EIF2A: variants seen among roughly 807,000 people sequenced by gnomAD.
EIF2A encodes eukaryotic translation initiation factor 2A, also known as 65 kDa eukaryotic translation initiation factor 2A.
In EIF2A, 62 loss-of-function variants were observed where a neutral mutation model predicts 75.2. That is an observed-to-expected ratio of 0.82 (90% CI 0.67 to 1.02). EIF2A has a LOEUF of 1.02. EIF2A is among the 50% of genes least tolerant of loss of function. EIF2A has a pLI of 0.00. For missense variants in EIF2A, 611 were observed against 677.7 expected (o/e 0.90, Z 1.09); for synonymous variants, 207 against 239.0 (o/e 0.87, Z 1.23).
chr3:150,583,069 T>C (rs1559888120), intron 12 of EIF2A, 131 bp from the exon 13 acceptor site: 1 of 773,654 alleles, frequency 1.3e-6, no homozygotes, highest in East Asian at 2.9e-5. Context: ...ATCCTAGCAT[T>C]TTAACAGACC....
intron 1 of EIF2A, among the ~76,000 whole-genome samples, chr3:150,548,672 G>C (rs547553817): frequency 1.3e-5 from 2 of 152,312 alleles, no homozygotes; most frequent in East Asian, 3.9e-4. Flanking sequence ...AGATTTGTCT[G>C]TTTAGACTAT....
At position 150,563,499 on chromosome 3, in the gene EIF2A, A is replaced by G; in HGVS notation, c.293-16A>G. 2 of 1,539,230 alleles carry G rather than the reference A, an allele frequency of 1.3e-6. No individual in the cohort carries two copies. The highest frequency in any genetic ancestry group is 1.8e-6 in the Non-Finnish European group (2 of 1,142,802). ...TGTTACAAGGCAATTACTGAAAAAA[A>G]GAAATTTTATTGCAGCTTCTAAAGA... is the stretch of plus-strand genomic sequence containing the variant. On this transcript the variant is annotated splice_polypyrimidine_tract_variant and intron_variant, in intron 4 of 13. Transcript: ENST00000460851.
chr3:150,560,837 C>T (rs78997362), intron 3 of EIF2A, among the ~76,000 whole-genome samples: 2,196 of 148,812 alleles, frequency 0.015, 52 homozygotes, highest in African/African-American at 0.052. Context: ...TTGAGCAAAT[C>T]GTCAAATCAT....
intron 10 of EIF2A, among the ~76,000 whole-genome samples, chr3:150,573,541 T>C (rs574063525): frequency 6.6e-6 from 1 of 152,326 alleles, no homozygotes; most frequent in East Asian, 1.9e-4. Context: ...CATGAGCCAC[T>C]GTACCCGGCC....
intron 2 of EIF2A, among the ~76,000 whole-genome samples, chr3:150,557,216 T>C (rs1276653838): frequency 6.6e-6 from 1 of 152,164 alleles, no homozygotes; most frequent in Non-Finnish European, 1.5e-5. Flanking sequence ...GACTGACTAA[T>C]GTTTTAAAAG....
At position 150,564,160 on chromosome 3, in the gene EIF2A, C is replaced by G. The variant is rs1296671214; in HGVS notation, c.393-139C>G. On this transcript the variant is annotated intron_variant, in intron 5 of 13. Transcript: ENST00000460851. ...ATTGACTAAAACTATTAGTAACTGACTTAATATCATATTTATAAGTGTTTA... is the reference window on the plus strand; with the variant it reads ...ATTGACTAAAACTATTAGTAACTGAGTTAATATCATATTTATAAGTGTTTA... The G allele has an allele frequency of 7.7e-6, 5 of 652,496 alleles. No homozygotes were observed. The African/African-American group carries it at 9.3e-5, about 12-fold the overall frequency. 40.4% of individuals were successfully genotyped at this position (652,496 alleles called of 1,614,324 possible).
At chr3:150,549,690 A>G (rs894747601) in intron 1 of EIF2A, among the ~76,000 whole-genome samples, 4 of 152,192 alleles carry the variant, frequency 2.6e-5, no homozygotes, top group Non-Finnish European at 5.9e-5. Flanking sequence ...TCACCTTTGT[A>G]TCAGTCAACT....
Position 150,584,636 on chromosome 3 carries a change from T to C in EIF2A, c.*725T>C, listed in dbSNP as rs1276056492. ...TAAGGCTTTGAAATGTTCGCCACTT[T>C]GATAAAGAGGAAATGATTGTTTGTT... On this transcript the variant is annotated 3_prime_UTR_variant, in exon 14 of 14. Coordinates refer to ENST00000460851, the MANE Select transcript of EIF2A (RefSeq NM_032025.5). Among the ~76,000 whole-genome samples the C allele has an allele frequency of 6.6e-6, 1 of 152,220 alleles. No homozygotes were observed. Among genetic ancestry groups the C allele is most frequent in the Non-Finnish European group, 1.5e-5 (1 of 68,036 alleles).
At position 150,572,258 on chromosome 3, in the gene EIF2A, A is replaced by G. The variant is rs750423427; in HGVS notation, c.1112A>G (p.His371Arg). The G allele has an allele frequency of 5.0e-6, 8 of 1,613,892 alleles. No individual in the cohort carries two copies. The South Asian group carries it at 8.8e-5, about 18-fold the overall frequency. ...TYFAWCPDGE[H>R]ILTATCAPRL... ...TTTGCTTGGTGCCCGGATGGTGAGC[A>G]TATTTTAACAGCTACATGTGCTCCC... Residue 371 changes from histidine (H) to arginine (R), a missense_variant, in exon 10 of 14, where the codon CAT (histidine) becomes CGT (arginine). By Grantham distance (29) the His-to-Arg change is conservative (BLOSUM62 0). Coordinates refer to ENST00000460851, the MANE Select transcript of EIF2A (RefSeq NM_032025.5).
At position 150,564,366 on chromosome 3, in the gene EIF2A, G is replaced by C. The variant is rs752649605; in HGVS notation, c.460G>C (p.Glu154Gln). ...TGTTAACAATGAAGTTCACTTCTTT[G>C]AAAACAACAATTTTAGTATGGAAAG... ...RNVNNEVHFF[E>Q]NNNFNTIANK... The change falls in exon 6 of 14, where the codon GAA (glutamate) becomes CAA (glutamine). Residue 154 changes from glutamate (E) to glutamine (Q), a missense_variant. Glu to Gln is a conservative substitution (Grantham distance 29). Transcript: ENST00000460851. 5.0e-6 allele frequency: 8 copies of C among 1,595,152 alleles called. No homozygotes were observed. In the Admixed American group the frequency reaches 7.0e-5, roughly 14 times the overall value.
intron 6 of EIF2A, 192 bp from the exon 7 acceptor site, chr3:150,567,501 A>C: frequency 2.0e-6 from 1 of 498,554 alleles, no homozygotes; most frequent in Non-Finnish European, 3.6e-6. Context: ...ATGACTGAGT[A>C]GAAATTGAAG....
At chr3:150,570,481 G>T (rs754429471) in intron 9 of EIF2A, among the ~76,000 whole-genome samples, 1 of 151,110 alleles carries the variant, frequency 6.6e-6, no homozygotes, top group East Asian at 1.9e-4. Context: ...TGGGAGGATT[G>T]TATGAGCCGA....
At chr3:150,583,330 A>G in intron 13 of EIF2A, 65 bp downstream of exon 13, 2 of 1,490,288 alleles carry the variant, frequency 1.3e-6, no homozygotes, top group Non-Finnish European at 9.2e-7. Context: ...TATTATAAAC[A>G]AGTATTTAGT....
chr3:150,571,867 G>T, intron 9 of EIF2A, 91 bp from the exon 10 acceptor site: 2 of 1,144,722 alleles, frequency 1.7e-6, no homozygotes, highest in Non-Finnish European at 2.4e-6. Flanking sequence ...TCTGTTTGAT[G>T]TGTTTGTGAG....
At chr3:150,552,687 A>T in intron 2 of EIF2A, 1 of 272,610 alleles carries the variant, frequency 3.7e-6, no homozygotes, top group Non-Finnish European at 6.8e-6. Context: ...AATTGAATAC[A>T]AGCCTTTATT....
intron 6 of EIF2A, 62 bp downstream of exon 6, chr3:150,564,443 CT>C: frequency 7.5e-7 from 1 of 1,327,554 alleles, no homozygotes; most frequent in Non-Finnish European, 1.0e-6. Context: ...TTTCCATTAA[CT>C]TTTATGACAT....
intron 7 of EIF2A, 37 bp downstream of exon 7, chr3:150,567,803 T>A (rs755472438): frequency 6.4e-7 from 1 of 1,565,376 alleles, no homozygotes. Context: ...ATATTATGTG[T>A]TTAAACCTTT....
chr3:150,558,706 TA>T (rs1314333278), intron 3 of EIF2A: 1 of 237,640 alleles, frequency 4.2e-6, no homozygotes, highest in African/African-American at 2.3e-5. Context: ...AATTTAATGC[TA>T]AAGAAGTTGA....
In EIF2A at chr3:150,572,527, T is replaced by C. The variant is rs115307669; in HGVS notation, c.1381T>C (p.Leu461=). The part of the protein sequence containing the change: ...LRNKPITNSK[L]HEEEPPQNMK... ...AAATAAACCAATCACCAATTCCAAA[T>C]TGGTAAGTAAAGTTTTACTACTTTT... Residue 461 remains leucine (L), a splice_region_variant and synonymous_variant, in exon 10 of 14, where the codon TTG becomes CTG. Coordinates refer to ENST00000460851, the MANE Select transcript of EIF2A (RefSeq NM_032025.5). 3,880 of 1,599,678 alleles carry C rather than the reference T, an allele frequency of 2.4e-3. 83 individuals are homozygous for C. In the African/African-American group the frequency reaches 0.047, roughly 19 times the overall value.
Sources: allele counts gnomAD v4.1 joint callset (sites outside exome capture counted in the v4.1 genomes callset), GRCh38; gene constraint gnomAD v4.1.1; transcripts MANE v1.5; gene names NCBI Gene and HGNC (gene_info 2026-07-23, HGNC 2026-07-21).